The following SSH2 variants were observed in gnomAD, a reference collection of about 807,000 sequenced individuals.
SSH2 encodes slingshot protein phosphatase 2, also known as protein phosphatase Slingshot homolog 2.
Under a neutral mutation model 135.2 loss-of-function variants are expected in SSH2, and 37 were observed. The observed-to-expected ratio is 0.27, with a 90% CI of 0.21 to 0.36. SSH2 has a LOEUF of 0.36. Ranked by LOEUF, SSH2 falls within the 10% of genes least tolerant of loss-of-function variation. The pLI is 1.00. For synonymous variants in SSH2, 628 were observed against 646.2 expected, an observed-to-expected ratio of 0.97 and a Z score of 0.43; for missense variants, 1,408 against 1,765.3, an observed-to-expected ratio of 0.80 and a Z score of 3.63.
chr17:29,693,116 T>G (rs1031554644), intron 5 of SSH2, among the ~76,000 whole-genome samples: 2 of 151,952 alleles, frequency 1.3e-5, no homozygotes, highest in African/African-American at 4.8e-5. Context: ...GCCCAGCCAA[T>G]TTTTTACTTT....
intron 2 of SSH2, among the ~76,000 whole-genome samples, chr17:29,817,589 T>C (rs914864630): frequency 2.6e-5 from 4 of 152,240 alleles, no homozygotes; most frequent in Admixed American, 2.0e-4. Context: ...CATATTATTC[T>C]GCTAATTATC....
chr17:29,648,197 G>C lies in SSH2; in HGVS notation c.1374C>G (p.Pro458=), dbSNP rs1238981569. ...CCAGTTGTCTCATGAAGCTTGGGTT[G>C]GGCTTGGTTACCGTTCGTCTTTCTT... ...YVKERRTVTK[P]NPSFMRQLEE... Residue 458 remains proline, a synonymous_variant, in exon 14 of 16, where the codon CCC becomes CCG. Transcript: ENST00000540801. 1 of 1,614,166 alleles carries C rather than the reference G, an allele frequency of 6.2e-7. No homozygotes were observed. The highest frequency in any genetic ancestry group is 8.5e-7 in the Non-Finnish European group (1 of 1,180,046).
intron 12 of SSH2, among the ~76,000 whole-genome samples, chr17:29,652,857 C>T (rs894672022): frequency 2.0e-5 from 3 of 152,100 alleles, no homozygotes; most frequent in Non-Finnish European, 2.9e-5. Context: ...GCTGTTTCAC[C>T]GTGTTGGCCA....
chr17:29,660,370 G>A (rs1371640620), intron 11 of SSH2, among the ~76,000 whole-genome samples: 36 of 151,136 alleles, frequency 2.4e-4, no homozygotes, highest in African/African-American at 7.8e-4. Context: ...AGGTTCAAGC[G>A]ATTCTCCTGC....
intron 1 of SSH2, chr17:29,928,421 T>G: frequency 2.5e-6 from 1 of 397,894 alleles, no homozygotes; most frequent in Non-Finnish European, 4.4e-6. Context: ...ACTGCAGGAA[T>G]TCTTTATACC....
In SSH2 at chr17:29,683,848, G is replaced by A. The variant is rs141638063; in HGVS notation, c.479+715C>T. 1.1e-4 allele frequency among the ~76,000 whole-genome samples: 16 copies of A among 152,254 alleles called. No homozygotes were observed. In the East Asian group the frequency reaches 3.1e-3, roughly 29 times the overall value. Reference sequence around the variant, plus strand: ...TACTTCTAGCTACTTAGGAGGCTGAGGTGGAAGGATTCCTAGAGCCCAGGA... The same window carrying A: ...TACTTCTAGCTACTTAGGAGGCTGAAGTGGAAGGATTCCTAGAGCCCAGGA... On this transcript the variant is annotated intron_variant, in intron 6 of 15. Coordinates refer to ENST00000540801, the MANE Select transcript of SSH2 (RefSeq NM_001282129.2).
chr17:29,826,028 A>AG (rs2042736264), intron 2 of SSH2, among the ~76,000 whole-genome samples: 1 of 152,230 alleles, frequency 6.6e-6, no homozygotes, highest in African/African-American at 2.4e-5. Flanking sequence ...TAGATGTTAT[A>AG]TTAAGATATT....
At chr17:29,634,990 T>G (rs1314157455) in intron 15 of SSH2, among the ~76,000 whole-genome samples, 2 of 150,614 alleles carry the variant, frequency 1.3e-5, no homozygotes, top group Non-Finnish European at 3.0e-5. Context: ...GCAATCTCTG[T>G]CTCCTAGGTT....
intron 3 of SSH2, among the ~76,000 whole-genome samples, chr17:29,778,835 CAAAAAAAAAAAAAAAA>C (rs60595591): frequency 2.6e-4 from 10 of 37,846 alleles, no homozygotes; most frequent in Admixed American, 9.6e-4. Flanking sequence ...CTCCGTCTCC[CAAAAAAAAAAAAAAAA>C]AAAAAAAAAA....
At chr17:29,756,581 T>C (rs2041134919) in intron 3 of SSH2, among the ~76,000 whole-genome samples, 1 of 151,470 alleles carries the variant, frequency 6.6e-6, no homozygotes, top group Non-Finnish European at 1.5e-5. Flanking sequence ...GTGCTGGGAT[T>C]ACAAGTGTGA....
Position 29,752,566 on chromosome 17 carries a change from C to A in SSH2, c.188+41328G>T, listed in dbSNP as rs560386971. Among the ~76,000 whole-genome samples, 3 of 151,756 alleles carry A rather than the reference C, an allele frequency of 2.0e-5. No individual in the cohort carries two copies. In the East Asian group the frequency reaches 5.8e-4, roughly 29 times the overall value. On this transcript the variant is annotated intron_variant, in intron 3 of 15. Coordinates refer to ENST00000540801, the MANE Select transcript of SSH2 (RefSeq NM_001282129.2). ...TTAAATATTTAAAAATGTAAACATG[C>A]CAGAAAAAATATAAAATAACACTTT...
intron 3 of SSH2, among the ~76,000 whole-genome samples, chr17:29,748,328 C>G (rs2040826117): frequency 6.6e-6 from 1 of 151,980 alleles, no homozygotes; most frequent in African/African-American, 2.4e-5. Context: ...TGTTCTTTCA[C>G]ATTTGAAGGC....
intron 5 of SSH2, among the ~76,000 whole-genome samples, chr17:29,686,365 T>C (rs1248641125): frequency 1.4e-5 from 2 of 140,272 alleles, no homozygotes; most frequent in African/African-American, 5.3e-5. Flanking sequence ...AAAATGACAG[T>C]TTTTTTTTTT....
chr17:29,886,077 G>A (rs543630977), intron 1 of SSH2, among the ~76,000 whole-genome samples: 1 of 152,312 alleles, frequency 6.6e-6, no homozygotes, highest in East Asian at 1.9e-4. Context: ...GCAGGCAGAG[G>A]TTGGAACAGT....
intron 3 of SSH2, among the ~76,000 whole-genome samples, chr17:29,721,228 G>T (rs1244123418): frequency 6.6e-6 from 1 of 152,152 alleles, no homozygotes; most frequent in Non-Finnish European, 1.5e-5. Context: ...TAATCAAAAT[G>T]ATCCAAGAGT....
At chr17:29,664,925 G>C (rs1386135027) in intron 11 of SSH2, among the ~76,000 whole-genome samples, 2 of 152,108 alleles carry the variant, frequency 1.3e-5, no homozygotes, top group Admixed American at 1.3e-4. Flanking sequence ...AAAACAGGTT[G>C]ATCAGTCAGA....
chr17:29,632,353 T>C lies in SSH2; in HGVS notation c.2841A>G (p.Glu947=). 4 of 1,614,006 alleles carry C rather than the reference T, an allele frequency of 2.5e-6. No homozygotes were observed. Among genetic ancestry groups the C allele is most frequent in the Middle Eastern group, 1.6e-4 (1 of 6,062 alleles). The change falls in exon 16 of 16, where the codon GAA becomes GAG. Residue 947 remains glutamate, a synonymous_variant. Coordinates refer to ENST00000540801, the MANE Select transcript of SSH2 (RefSeq NM_001282129.2). ...PKGKSDEAPP[E]HSFVLKEPEM... ...CTGGTTCCTTGAGGACAAATGAATG[T>C]TCTGGGGGGGCTTCATCACTTTTCC...
At chr17:29,803,384 G>A (rs2042285489) in intron 2 of SSH2, among the ~76,000 whole-genome samples, 1 of 152,046 alleles carries the variant, frequency 6.6e-6, no homozygotes, top group African/African-American at 2.4e-5. Flanking sequence ...TGGAAAGCTG[G>A]GCTCAACTGG....
chr17:29,659,887 G>A lies in SSH2; in HGVS notation c.1033-4280C>T, dbSNP rs1032226876. Among the ~76,000 whole-genome samples the A allele has an allele frequency of 5.3e-5, 8 of 151,944 alleles. No homozygotes were observed. The East Asian group carries it at 1.4e-3, about 26-fold the overall frequency. Reference sequence around the variant, plus strand: ...CGCTCTATCGCCAAGGTGGAGTGCAGTGACGTGATCTTGGCTCACTGCAAT... The same window carrying A: ...CGCTCTATCGCCAAGGTGGAGTGCAATGACGTGATCTTGGCTCACTGCAAT... On this transcript the variant is annotated intron_variant, in intron 11 of 15. Transcript: ENST00000540801.
Sources: allele counts gnomAD v4.1 joint callset (sites outside exome capture counted in the v4.1 genomes callset), GRCh38; gene constraint gnomAD v4.1.1; transcripts MANE v1.5; gene names NCBI Gene and HGNC (gene_info 2026-07-23, HGNC 2026-07-21).